The following NRXN1 variants were observed in gnomAD, a reference collection of about 807,000 sequenced individuals.
The protein encoded by NRXN1 is neurexin-1.
A neutral mutation model predicts 150.9 loss-of-function variants in NRXN1; 39 were observed. That is an observed-to-expected ratio of 0.26 (90% CI 0.20 to 0.34). The LOEUF is 0.34. Among genes scored for constraint, NRXN1 ranks in the 10% least tolerant of loss-of-function variants. The pLI is 1.00. For synonymous variants in NRXN1, 924 were observed against 757.0 expected, an observed-to-expected ratio of 1.22 and a Z score of -3.62; for missense variants, 1,815 against 1,949.9, an observed-to-expected ratio of 0.93 and a Z score of 1.30.
At chr2:50,633,360 A>T (rs2104419812) in intron 5 of NRXN1, among the ~76,000 whole-genome samples, 1 of 152,272 alleles carries the variant, frequency 6.6e-6, no homozygotes, top group East Asian at 1.9e-4. Context: ...AACTAAAATT[A>T]TCTTGATATC....
At position 50,316,964 on chromosome 2, in the gene NRXN1, C is replaced by T. The variant is rs138625257; in HGVS notation, c.3365-79994G>A. 2.1e-3 allele frequency among the ~76,000 whole-genome samples: 318 copies of T among 151,790 alleles called. 2 individuals carry two copies. The highest frequency in any genetic ancestry group is 7.3e-3 in the African/African-American group (304 of 41,446). ...ATCAATTTTCCTCAAAATTACAATT[C>T]GAAAATACCAAAAGAAAAAATAATA... On this transcript the variant is annotated intron_variant, in intron 17 of 22. Transcript: ENST00000401669.
At chr2:50,415,955 C>CAAAAAAA (rs10585013) in intron 17 of NRXN1, among the ~76,000 whole-genome samples, 3 of 88,826 alleles carry the variant, frequency 3.4e-5, no homozygotes, top group Non-Finnish European at 6.1e-5. Context: ...CAACAACATA[C>CAAAAAAA]AAAAAAAAAA....
At chr2:50,441,120 G>C (rs1296079798) in intron 17 of NRXN1, among the ~76,000 whole-genome samples, 1 of 152,158 alleles carries the variant, frequency 6.6e-6, no homozygotes, top group East Asian at 1.9e-4. Flanking sequence ...TTTTGAATTT[G>C]GTTTTTCATC....
At chr2:50,019,266 C>G (rs1687110592) in intron 21 of NRXN1, 1 of 471,518 alleles carries the variant, frequency 2.1e-6, no homozygotes, top group African/African-American at 2.0e-5. Context: ...TTGGCCTGTT[C>G]TCCATAAGTT....
intron 21 of NRXN1, among the ~76,000 whole-genome samples, chr2:50,004,465 T>C (rs567413641): frequency 2.0e-5 from 3 of 152,244 alleles, no homozygotes; most frequent in Admixed American, 1.3e-4. Flanking sequence ...ATTTTCTGTT[T>C]AGTGGTTGCT....
chr2:50,928,637 T>C (rs539299104), intron 2 of NRXN1, among the ~76,000 whole-genome samples: 16 of 152,194 alleles, frequency 1.1e-4, no homozygotes, highest in South Asian at 4.1e-4. Context: ...TAAATTCTTA[T>C]ACACACAAAT....
intron 17 of NRXN1, among the ~76,000 whole-genome samples, chr2:50,324,659 A>G (rs1457725364): frequency 4.6e-5 from 7 of 152,198 alleles, no homozygotes; most frequent in Admixed American, 3.3e-4. Flanking sequence ...CTCCTGCCTC[A>G]GCCTCCCGAG....
chr2:50,655,961 C>A (rs1449416690), intron 5 of NRXN1, among the ~76,000 whole-genome samples: 1 of 151,890 alleles, frequency 6.6e-6, no homozygotes, highest in Non-Finnish European at 1.5e-5. Flanking sequence ...AACCTAATTA[C>A]CGATACAAAG....
intron 19 of NRXN1, among the ~76,000 whole-genome samples, chr2:50,072,936 T>C (rs761931350): frequency 2.0e-5 from 3 of 152,180 alleles, no homozygotes; most frequent in Non-Finnish European, 4.4e-5. Flanking sequence ...AGCTTCATCA[T>C]TTTCACCTAT....
intron 5 of NRXN1, chr2:50,758,151 A>G (rs143962177): frequency 1.3e-5 from 2 of 151,992 alleles, no homozygotes; most frequent in East Asian, 3.9e-4. Flanking sequence ...AATTAAAACA[A>G]GAAATAGAAA....
intron 17 of NRXN1, among the ~76,000 whole-genome samples, chr2:50,363,633 A>T (rs1460734258): frequency 1.3e-5 from 2 of 152,220 alleles, no homozygotes; most frequent in South Asian, 2.1e-4. Context: ...AAACTTTTAC[A>T]CTGTTGGTGG....
chr2:50,574,202 A>C (rs1046937798), intron 8 of NRXN1, among the ~76,000 whole-genome samples: 1 of 152,154 alleles, frequency 6.6e-6, no homozygotes, highest in African/African-American at 2.4e-5. Context: ...TATGCATATA[A>C]AAATGGCAAT....
chr2:50,563,486 C>T (rs1334316027), intron 8 of NRXN1, among the ~76,000 whole-genome samples: 1 of 152,010 alleles, frequency 6.6e-6, no homozygotes, highest in African/African-American at 2.4e-5. Context: ...AATAAAATAC[C>T]AGGAGTAGGT....
intron 17 of NRXN1, among the ~76,000 whole-genome samples, chr2:50,306,805 A>C (rs2152959066): frequency 6.6e-6 from 1 of 152,280 alleles, no homozygotes; most frequent in East Asian, 1.9e-4. Flanking sequence ...TGGAGTTCTA[A>C]ACTGAAGAAA....
At chr2:50,189,817 G>GAATTAGTTT (rs1229945811) in intron 18 of NRXN1, among the ~76,000 whole-genome samples, 4 of 152,024 alleles carry the variant, frequency 2.6e-5, no homozygotes, top group African/African-American at 9.7e-5. Context: ...TAAAGTTATT[G>GAATTAGTTT]AATTAGTTTA....
intron 17 of NRXN1, among the ~76,000 whole-genome samples, chr2:50,439,471 G>A (rs2085731999): frequency 6.6e-6 from 1 of 152,118 alleles, no homozygotes; most frequent in African/African-American, 2.4e-5. Flanking sequence ...CAGACGCAGA[G>A]AGCCTGATAT....
At chr2:50,300,441 G>A (rs1423332245) in intron 17 of NRXN1, among the ~76,000 whole-genome samples, 1 of 152,204 alleles carries the variant, frequency 6.6e-6, no homozygotes. Context: ...GCTGGCTCCA[G>A]GAGGGTTTAT....
intron 21 of NRXN1, among the ~76,000 whole-genome samples, chr2:49,997,987 T>G (rs62134650): frequency 0.46 from 69,585 of 151,496 alleles, 16,498 homozygotes; most frequent in Middle Eastern, 0.61. Flanking sequence ...TATAAAATGC[T>G]GCTGCATTGC....
chr2:50,517,677 C>T (rs559153003), intron 12 of NRXN1, among the ~76,000 whole-genome samples: 1 of 152,132 alleles, frequency 6.6e-6, no homozygotes, highest in Non-Finnish European at 1.5e-5. Flanking sequence ...TGCATACAGC[C>T]TAGTGGAACA....
Sources: allele counts gnomAD v4.1 joint callset (sites outside exome capture counted in the v4.1 genomes callset), GRCh38; gene constraint gnomAD v4.1.1; transcripts MANE v1.5; gene names NCBI Gene and HGNC (gene_info 2026-07-23, HGNC 2026-07-21).